The following RASSF5 variants were observed in gnomAD, a reference collection of about 807,000 sequenced individuals.
RASSF5 encodes the protein Ras association domain family member 5.
A neutral mutation model predicts 40.5 loss-of-function variants in RASSF5; 25 were observed. The ratio of observed to expected loss-of-function variants is 0.62; its 90% CI spans 0.45 to 0.86. The LOEUF (loss-of-function observed/expected upper bound fraction) is 0.86, where lower values mean the gene tolerates loss of function less well. Among genes scored for constraint, RASSF5 ranks in the 40% least tolerant of loss-of-function variants. RASSF5 has a pLI of 0.00. For synonymous variants in RASSF5, 246 were observed against 252.4 expected (o/e 0.97, Z 0.24); for missense variants, 521 against 572.8 (o/e 0.91, Z 0.92).
At chr1:206,532,660 T>C (rs1667273565) in intron 1 of RASSF5, among the ~76,000 whole-genome samples, 1 of 152,238 alleles carries the variant, frequency 6.6e-6, no homozygotes, top group African/African-American at 2.4e-5. Context: ...AGTTGCTTTG[T>C]CCATGCAGAG....
chr1:206,585,128 C>A, intron 4 of RASSF5, 52 bp from the exon 5 acceptor site: 1 of 1,396,260 alleles, frequency 7.2e-7, no homozygotes, highest in Non-Finnish European at 1.0e-6. Context: ...CAAGCCTGGG[C>A]CCCGCCCTTC....
intron 1 of RASSF5, among the ~76,000 whole-genome samples, chr1:206,515,563 G>A (rs561730103): frequency 7.2e-5 from 11 of 152,290 alleles, no homozygotes; most frequent in African/African-American, 2.6e-4. Flanking sequence ...TCCTAGAGGG[G>A]ACAGCTAGGG....
At chr1:206,527,985 A>T (rs1253077005) in intron 1 of RASSF5, among the ~76,000 whole-genome samples, 1 of 152,250 alleles carries the variant, frequency 6.6e-6, no homozygotes, top group Non-Finnish European at 1.5e-5. Context: ...TCTCTAAAAT[A>T]GGAGTAGATC....
chr1:206,523,849 A>G (rs1371510446), intron 1 of RASSF5, among the ~76,000 whole-genome samples: 29 of 108,112 alleles, frequency 2.7e-4, no homozygotes, highest in Admixed American at 8.2e-4. Flanking sequence ...TATATATACT[A>G]TACAATATAT....
chr1:206,554,549 C>T (rs1667930574), intron 2 of RASSF5, among the ~76,000 whole-genome samples: 1 of 152,232 alleles, frequency 6.6e-6, no homozygotes, highest in Non-Finnish European at 1.5e-5. Flanking sequence ...TAGATCCAGC[C>T]TCCTCTTCCT....
At chr1:206,567,888 G>T (rs533408996) in intron 2 of RASSF5, among the ~76,000 whole-genome samples, 2 of 152,268 alleles carry the variant, frequency 1.3e-5, no homozygotes, top group Non-Finnish European at 2.9e-5. Context: ...GTACATTATT[G>T]TTGCTACTTA....
intron 2 of RASSF5, among the ~76,000 whole-genome samples, chr1:206,562,409 G>C (rs2103543563): frequency 6.6e-6 from 1 of 152,318 alleles, no homozygotes; most frequent in Non-Finnish European, 1.5e-5. Context: ...TGGCCCATTT[G>C]ACTGTTTTTT....
At chr1:206,516,134 G>T (rs936760982) in intron 1 of RASSF5, among the ~76,000 whole-genome samples, 3 of 152,208 alleles carry the variant, frequency 2.0e-5, no homozygotes, top group Non-Finnish European at 2.9e-5. Context: ...GGCTGAACTT[G>T]CCTCCAGCAT....
At chr1:206,520,915 G>A (rs370995628) in intron 1 of RASSF5, among the ~76,000 whole-genome samples, 2 of 152,270 alleles carry the variant, frequency 1.3e-5, no homozygotes, top group African/African-American at 4.8e-5. Flanking sequence ...CCTGCAGCAC[G>A]GCTGTCTGCC....
chr1:206,536,112 G>T (rs1471990861), intron 1 of RASSF5, among the ~76,000 whole-genome samples: 1 of 152,116 alleles, frequency 6.6e-6, no homozygotes, highest in African/African-American at 2.4e-5. Context: ...GCAGAAGTTT[G>T]GCCTGCACTT....
intron 1 of RASSF5, among the ~76,000 whole-genome samples, chr1:206,510,434 A>C (rs567212371): frequency 2.4e-4 from 36 of 152,334 alleles, no homozygotes; most frequent in African/African-American, 6.3e-4. Flanking sequence ...CTGAGAATTA[A>C]ATGGATTAAT....
chr1:206,555,860 T>C (rs1667968961), intron 2 of RASSF5, among the ~76,000 whole-genome samples: 1 of 152,152 alleles, frequency 6.6e-6, no homozygotes, highest in Non-Finnish European at 1.5e-5. Context: ...GGATTTGGCT[T>C]AGGTGGGAGA....
intron 1 of RASSF5, among the ~76,000 whole-genome samples, chr1:206,512,300 G>T (rs1011672047): frequency 6.6e-6 from 1 of 152,012 alleles, no homozygotes; most frequent in Non-Finnish European, 1.5e-5. Flanking sequence ...AGCTTCCCAC[G>T]CTGCAGCCCG....
chr1:206,550,343 C>T (rs1411873043), intron 2 of RASSF5, among the ~76,000 whole-genome samples: 1 of 152,216 alleles, frequency 6.6e-6, no homozygotes, highest in Non-Finnish European at 1.5e-5. Flanking sequence ...CGTACTAGTT[C>T]ATTTAATACC....
intron 2 of RASSF5, chr1:206,571,492 G>T (rs1287950537): frequency 2.0e-5 from 3 of 152,180 alleles, no homozygotes; most frequent in Non-Finnish European, 4.4e-5. Context: ...GTTCAGGGTG[G>T]TCTGGGAATA....
At chr1:206,586,335 C>G (rs1421554420) in intron 5 of RASSF5, 2 of 157,428 alleles carry the variant, frequency 1.3e-5, no homozygotes, top group African/African-American at 2.4e-5. Flanking sequence ...TCATTATCTG[C>G]TCTGCCAGTC....
At chr1:206,525,019 C>T (rs1203164635) in intron 1 of RASSF5, among the ~76,000 whole-genome samples, 1 of 152,060 alleles carries the variant, frequency 6.6e-6, no homozygotes, top group South Asian at 2.1e-4. Flanking sequence ...GGCAGGCACT[C>T]CTCTTACTTC....
At position 206,507,693 on chromosome 1, in the gene RASSF5, C is replaced by G; in HGVS notation, c.91C>G (p.Pro31Ala). ...PPRYLQSLSG[P>A]ELPPPPPDRS... ...GCGCTATCTACAGAGCCTGAGCGGC[C>G]CCGAGCTACCGCCGCCGCCCCCCGA... is the stretch of plus-strand genomic sequence containing the variant. Residue 31 changes from proline (P) to alanine (A), a missense_variant, in exon 1 of 6, where the codon CCC becomes GCC. Pro to Ala is a conservative substitution (Grantham distance 27). Coordinates refer to ENST00000579436, the MANE Select transcript of RASSF5 (RefSeq NM_182663.4). The G allele has an allele frequency of 6.7e-7, 1 of 1,497,442 alleles. No homozygotes were observed. The highest frequency in any genetic ancestry group is 8.8e-7 in the Non-Finnish European group (1 of 1,130,002). The allele number at this position is 1,497,442 out of a possible 1,614,324, so 92.8% of individuals were successfully genotyped here. A position where few individuals can be genotyped will look rare whatever the true frequency, so the allele number is the denominator to read the frequency against.
intron 2 of RASSF5, among the ~76,000 whole-genome samples, chr1:206,573,278 A>G (rs1668516208): frequency 6.6e-6 from 1 of 152,156 alleles, no homozygotes; most frequent in Non-Finnish European, 1.5e-5. Context: ...CCGTGAGGCA[A>G]TAAAGGATTT....
Sources: gnomAD v4.1 joint callset for allele counts (sites outside exome capture counted in the v4.1 genomes callset) on GRCh38, gnomAD v4.1.1 for gene constraint, MANE v1.5 for transcripts, NCBI Gene and HGNC (gene_info 2026-07-23, HGNC 2026-07-21) for gene names.